The following DNAH8 variants were observed in gnomAD, a reference collection of about 807,000 sequenced individuals.
The protein encoded by DNAH8 is axonemal beta dynein heavy chain 8.
In DNAH8, 382 loss-of-function variants were observed where a neutral mutation model predicts 562.1. The observed-to-expected ratio is 0.68, with a 90% CI of 0.63 to 0.74. DNAH8 has a LOEUF of 0.74. Among genes scored for constraint, DNAH8 ranks in the 30% least tolerant of loss-of-function variants. DNAH8 has a pLI of 0.00. For missense variants in DNAH8, 5,203 were observed against 5,620.4 expected (o/e 0.93, Z 2.37); for synonymous variants, 1,881 against 1,919.4 (o/e 0.98, Z 0.52).
chr6:38,829,546 G>A (rs1023695958), intron 30 of DNAH8, among the ~76,000 whole-genome samples: 5 of 152,166 alleles, frequency 3.3e-5, no homozygotes, highest in African/African-American at 9.6e-5. Flanking sequence ...TCATATAAAA[G>A]CATGTAGATA....
rs776311330 is a variant in DNAH8, at chr6:38,815,511, G to A, written c.3377G>A (p.Arg1126His). The change falls in exon 26 of 93, where the codon CGT becomes CAT. Residue 1126 changes from arginine to histidine, a missense_variant. Physicochemically the swap from Arg to His is conservative, Grantham distance 29. Coordinates refer to ENST00000327475, the MANE Select transcript of DNAH8 (RefSeq NM_001206927.2). ...GATGACATTCAACAAGCCATTAACCGTATGATCCAGTTAACCCTGGAGGTC... is the reference window on the plus strand; with the variant it reads ...GATGACATTCAACAAGCCATTAACCATATGATCCAGTTAACCCTGGAGGTC... ...SLDDIQQAIN[R>H]MIQLTLEVSR... The A allele has an allele frequency of 6.4e-5, 103 of 1,613,766 alleles. No homozygotes were observed. The Middle Eastern group carries it at 6.6e-4, about 10-fold the overall frequency.
chr6:38,831,001 A>C (rs1773788467), intron 30 of DNAH8, among the ~76,000 whole-genome samples: 1 of 152,242 alleles, frequency 6.6e-6, no homozygotes, highest in African/African-American at 2.4e-5. Context: ...ATGTTTATTT[A>C]AATTCATATT....
intron 73 of DNAH8, chr6:38,925,157 TTA>T (rs1782010723): frequency 6.6e-6 from 1 of 152,176 alleles, no homozygotes; most frequent in East Asian, 1.9e-4. Flanking sequence ...AGGGAATAGA[TTA>T]TGTCTTGGAG....
At chr6:38,748,309 A>T (rs942548485) in intron 8 of DNAH8, among the ~76,000 whole-genome samples, 2 of 152,202 alleles carry the variant, frequency 1.3e-5, no homozygotes, top group Admixed American at 1.3e-4. Context: ...TGTGGTAGCA[A>T]ATCTATGAAT....
rs548675160 is a variant in DNAH8 at position 38,774,100 on chromosome 6, C to T, written c.1765-1654C>T. Among the ~76,000 whole-genome samples, 7 of 152,204 alleles carry T rather than the reference C, an allele frequency of 4.6e-5. No homozygotes were observed. In the South Asian group the frequency reaches 6.2e-4, roughly 14 times the overall value. On this transcript the variant is annotated intron_variant, in intron 12 of 92. Transcript: ENST00000327475. Reference sequence around the variant, plus strand: ...TGCACTGAATCCTAAATAGCAAGAACGAAATGTGTGCAACAGTCTTTGCTT... The same window carrying T: ...TGCACTGAATCCTAAATAGCAAGAATGAAATGTGTGCAACAGTCTTTGCTT...
chr6:38,852,561 T>G, intron 39 of DNAH8, 133 bp from the exon 40 acceptor site: 3 of 613,468 alleles, frequency 4.9e-6, no homozygotes, highest in Non-Finnish European at 5.6e-6. Flanking sequence ...CAAAGCAGAG[T>G]CTCTCTCTAT....
chr6:38,741,346 T>G (rs1209509334), intron 7 of DNAH8, among the ~76,000 whole-genome samples: 3 of 152,086 alleles, frequency 2.0e-5, no homozygotes, highest in Non-Finnish European at 4.4e-5. Flanking sequence ...AAGGCTGCAG[T>G]GCACTGTGAT....
chr6:38,874,068 T>TTCTTTCTTTCTCTTTCTTTC (rs377254876), intron 52 of DNAH8, among the ~76,000 whole-genome samples: 1 of 57,062 alleles, frequency 1.8e-5, no homozygotes, highest in Non-Finnish European at 3.5e-5. Context: ...CTTTCTTTCT[T>TTCTTTCTTTCTCTTTCTTTC]TTTCTTTCTT....
chr6:38,915,029 C>A (rs1200538220), intron 67 of DNAH8, among the ~76,000 whole-genome samples, 172 bp from the exon 68 acceptor site: 1 of 152,074 alleles, frequency 6.6e-6, no homozygotes, highest in African/African-American at 2.4e-5. Flanking sequence ...CTGCGAGGAA[C>A]TGCTCAAAGG....
chr6:38,857,447 AC>A (rs1429575263), intron 41 of DNAH8, 70 bp from the exon 42 acceptor site: 12 of 986,792 alleles, frequency 1.2e-5, no homozygotes, highest in Non-Finnish European at 1.9e-5. Flanking sequence ...TGAATAAGTG[AC>A]CACCAAATTT....
chr6:38,823,145 G>T (rs984855971), intron 27 of DNAH8, 111 bp downstream of exon 27: 2 of 932,350 alleles, frequency 2.1e-6, no homozygotes, highest in African/African-American at 3.3e-5. Context: ...CAGAGGCCAA[G>T]AATCTATAAA....
intron 8 of DNAH8, among the ~76,000 whole-genome samples, chr6:38,745,367 C>T (rs965104200): frequency 2.6e-5 from 4 of 152,164 alleles, no homozygotes; most frequent in East Asian, 1.9e-4. Context: ...GGGTAAAATC[C>T]CAGACCCCCA....
intron 53 of DNAH8, among the ~76,000 whole-genome samples, chr6:38,880,543 C>G (rs1778395257): frequency 6.6e-6 from 1 of 152,054 alleles, no homozygotes; most frequent in Non-Finnish European, 1.5e-5. Flanking sequence ...ACATATATAT[C>G]TGATAAAAAA....
At chr6:38,727,333 G>A (rs193263643) in intron 3 of DNAH8, among the ~76,000 whole-genome samples, 73 of 152,304 alleles carry the variant, frequency 4.8e-4, no homozygotes, top group Non-Finnish European at 7.2e-4. Flanking sequence ...GAACTCTATG[G>A]AATCTATCAC....
intron 32 of DNAH8, 84 bp downstream of exon 32, chr6:38,834,725 T>A: frequency 2.7e-6 from 3 of 1,093,046 alleles, no homozygotes; most frequent in Non-Finnish European, 4.1e-6. Flanking sequence ...TACTTTTTAA[T>A]AGAAAAGTTT....
intron 53 of DNAH8, among the ~76,000 whole-genome samples, chr6:38,879,062 A>G (rs1460195305): frequency 6.6e-6 from 1 of 152,176 alleles, no homozygotes; most frequent in Non-Finnish European, 1.5e-5. Context: ...AAATAGCCCT[A>G]TATCTACTAA....
intron 57 of DNAH8, among the ~76,000 whole-genome samples, chr6:38,890,442 G>A (rs1354605719): frequency 6.6e-6 from 1 of 152,070 alleles, no homozygotes; most frequent in Non-Finnish European, 1.5e-5. Flanking sequence ...CTGGGTGGGG[G>A]ATTAAATGAG....
intron 10 of DNAH8, among the ~76,000 whole-genome samples, chr6:38,761,388 A>G (rs1187285683): frequency 1.3e-5 from 2 of 150,442 alleles, no homozygotes; most frequent in African/African-American, 4.9e-5. Context: ...CAGTTCATCA[A>G]TAGAATTTGT....
At chr6:38,851,520 A>G in intron 38 of DNAH8, 52 bp from the exon 39 acceptor site, 1 of 1,083,310 alleles carries the variant, frequency 9.2e-7, no homozygotes, top group South Asian at 1.4e-5. Flanking sequence ...AAAAAATAAT[A>G]ATTTAGGGGA....
Sources: gnomAD v4.1 joint callset for allele counts (sites outside exome capture counted in the v4.1 genomes callset) on GRCh38, gnomAD v4.1.1 for gene constraint, MANE v1.5 for transcripts, NCBI Gene and HGNC (gene_info 2026-07-23, HGNC 2026-07-21) for gene names.